The following ZNF839 variants were observed in gnomAD, a reference collection of about 807,000 sequenced individuals.
The protein encoded by ZNF839 is renal carcinoma antigen NY-REN-50.
ZNF839 carries 38 observed loss-of-function variants against 56.4 expected under a neutral mutation model. The observed-to-expected ratio is 0.67, with a 90% CI of 0.52 to 0.88. The LOEUF (loss-of-function observed/expected upper bound fraction) is 0.88, where lower values mean the gene tolerates loss of function less well. ZNF839 is among the 40% of genes least tolerant of loss of function. The probability of loss-of-function intolerance (pLI) is 0.00; values close to 1 mark genes in which losing one functional copy is unlikely to be tolerated. For missense variants in ZNF839, 1,091 were observed against 1,177.6 expected (o/e 0.93, Z 1.08); for synonymous variants, 486 against 493.5 (o/e 0.98, Z 0.20).
chr14:102,328,354 CAAA>C (rs1158691824), intron 2 of ZNF839, among the ~76,000 whole-genome samples: 52 of 28,836 alleles, frequency 1.8e-3, no homozygotes, highest in East Asian at 3.5e-3. Context: ...AACTCCATCT[CAAA>C]AAAAAAAAAA....
chr14:102,320,180 A>G, intron 1 of ZNF839, 127 bp downstream of exon 1: 1 of 1,043,528 alleles, frequency 9.6e-7, no homozygotes, highest in Non-Finnish European at 1.2e-6. Flanking sequence ...CCCCAGGCTG[A>G]GCTTCTTAGG....
chr14:102,330,560 A>G (rs1480586354), intron 2 of ZNF839, among the ~76,000 whole-genome samples: 1 of 122,712 alleles, frequency 8.1e-6, no homozygotes, highest in Non-Finnish European at 1.6e-5. Flanking sequence ...TTGGCGATAG[A>G]GTCTCACTGT....
At position 102,319,948 on chromosome 14, in the gene ZNF839, G is replaced by T; in HGVS notation, c.183G>T (p.Val61=). The T allele has an allele frequency of 8.6e-7, 1 of 1,168,242 alleles. No homozygotes were observed. The highest frequency in any genetic ancestry group is 3.5e-5 in the South Asian group (1 of 28,510). 72.4% of individuals were successfully genotyped at this position (1,168,242 alleles called of 1,614,324 possible). A position where few individuals can be genotyped will look rare whatever the true frequency, so the allele number is the denominator to read the frequency against. The part of the protein sequence containing the change: ...AQPPPPPPPF[V]LRDAARRLRD... ...CGCCGCCGCCGCCGCCCCCCTTCGT[G>T]CTGCGGGACGCGGCGCGGCGGCTGC... Residue 61 remains valine, a synonymous_variant, in exon 1 of 8, where the codon GTG becomes GTT. Coordinates refer to ENST00000442396, the MANE Select transcript of ZNF839 (RefSeq NM_018335.6). The surrounding 1 kb of genome is among the most constrained non-coding windows in gnomAD (Gnocchi z 4.5).
chr14:102,341,393 T>C lies in ZNF839; in HGVS notation c.1998T>C (p.Gly666=). Residue 666 remains glycine, a synonymous_variant, in exon 8 of 8, where the codon GGT becomes GGC. Transcript: ENST00000442396. Reference sequence around the variant, plus strand: ...AAAGCCATACAACGACGGTTTCTGGTGGCAATGGGAGCGTGTTCCAGGCGG... The same window carrying C: ...AAAGCCATACAACGACGGTTTCTGGCGGCAATGGGAGCGTGTTCCAGGCGG... ...SEESHTTTVS[G]GNGSVFQAGP... is the part of the protein sequence containing the mutation. The C allele has an allele frequency of 6.4e-7, 1 of 1,556,312 alleles. No homozygotes were observed. The highest frequency in any genetic ancestry group is 8.7e-7 in the Non-Finnish European group (1 of 1,153,380).
chr14:102,318,347 A>G (rs2072958658), upstream of ZNF839, among the ~76,000 whole-genome samples: 1 of 152,182 alleles, frequency 6.6e-6, no homozygotes, highest in Non-Finnish European at 1.5e-5. Context: ...AATTCCTGAA[A>G]TCTGGTCGGG....
Position 102,341,623 on chromosome 14 carries a change from G to T in ZNF839, c.2228G>T (p.Ser743Ile), listed in dbSNP as rs1332311494. Residue 743 changes from serine (S) to isoleucine (I), a missense_variant, in exon 8 of 8, where the codon AGC becomes ATC. By Grantham distance (142) the Ser-to-Ile change is moderately radical (BLOSUM62 -2). This residue lies in a region of ZNF839 where 431 missense variants were observed against 468.0 expected (regional missense o/e 0.92). Coordinates refer to ENST00000442396, the MANE Select transcript of ZNF839 (RefSeq NM_018335.6). Reference protein sequence around the residue: ...SDQDTWDSLRSPGFCSPLSSG... With the variant: ...SDQDTWDSLRIPGFCSPLSSG... ...CAGGACACCTGGGACAGCCTGAGGAGCCCGGGTTTCTGCAGCCCTTTGTCA... is the reference window on the plus strand; with the variant it reads ...CAGGACACCTGGGACAGCCTGAGGATCCCGGGTTTCTGCAGCCCTTTGTCA... The T allele has an allele frequency of 6.2e-7, 1 of 1,613,968 alleles. No individual in the cohort carries two copies. The highest frequency in any genetic ancestry group is 1.1e-5 in the South Asian group (1 of 91,090).
chr14:102,319,073 G>A (rs923168988), upstream of ZNF839, among the ~76,000 whole-genome samples: 1 of 152,216 alleles, frequency 6.6e-6, no homozygotes, highest in Non-Finnish European at 1.5e-5. This position sits in a 1 kb window ranked among gnomAD's most constrained non-coding sequence, Gnocchi z 4.5. Flanking sequence ...GAGGAAGATG[G>A]GGCAGTGGAG....
chr14:102,321,233 T>C (rs781609443), intron 1 of ZNF839, among the ~76,000 whole-genome samples: 3 of 152,258 alleles, frequency 2.0e-5, no homozygotes, highest in Non-Finnish European at 4.4e-5. Context: ...AAGCCTCTGC[T>C]CTGCGCCCGG....
rs954011615 is a variant in ZNF839, at chr14:102,338,539, G to GAA, written c.1660-252_1660-251dup. On this transcript the variant is annotated intron_variant, in intron 5 of 7. Transcript: ENST00000442396. ...AGCGACAGAGCCAGACTCTGTCTCAGAAAAAAAAAAAAAAAAAAAAAAAAA... is the reference window on the plus strand; with the variant it reads ...AGCGACAGAGCCAGACTCTGTCTCAGAAAAAAAAAAAAAAAAAAAAAAAAAAA... Among the ~76,000 whole-genome samples, 65 of 32,066 alleles carry GAA rather than the reference G, an allele frequency of 2.0e-3. 4 individuals carry two copies. Among genetic ancestry groups the GAA allele is most frequent in the African/African-American group, 3.7e-3 (35 of 9,338 alleles). 21.0% of individuals were successfully genotyped at this position (32,066 alleles called of 152,430 possible). A position where few individuals can be genotyped will look rare whatever the true frequency, so the allele number is the denominator to read the frequency against.
At chr14:102,319,710 T>A, upstream of ZNF839, 8 of 1,222,028 alleles carry the variant, frequency 6.5e-6, no homozygotes, top group Non-Finnish European at 8.2e-6. This position sits in a 1 kb window ranked among gnomAD's most constrained non-coding sequence, Gnocchi z 4.5. Flanking sequence ...CTAGGTGACG[T>A]ACATTGGAGA....
chr14:102,324,822 T>G (rs1213751453), intron 1 of ZNF839, among the ~76,000 whole-genome samples: 1 of 151,582 alleles, frequency 6.6e-6, no homozygotes, highest in Non-Finnish European at 1.5e-5. Flanking sequence ...TGGTGGTACG[T>G]GCCTGTAATC....
At chr14:102,327,298 G>A (rs1284961173) in intron 2 of ZNF839, among the ~76,000 whole-genome samples, 1 of 151,974 alleles carries the variant, frequency 6.6e-6, no homozygotes, top group Non-Finnish European at 1.5e-5. Context: ...CCACCACCAC[G>A]CCTGGCTAAT....
intron 1 of ZNF839, among the ~76,000 whole-genome samples, chr14:102,323,699 A>G (rs538166784): frequency 9.4e-4 from 143 of 152,294 alleles, no homozygotes; most frequent in African/African-American, 3.3e-3. Flanking sequence ...TGTTAGATAT[A>G]TTTGTAAAAA....
chr14:102,338,742 C>A, intron 5 of ZNF839, 74 bp from the exon 6 acceptor site: 5 of 1,583,414 alleles, frequency 3.2e-6, no homozygotes, highest in Non-Finnish European at 2.6e-6. Flanking sequence ...TCGTTTAATT[C>A]TTGCATGTGA....
intron 3 of ZNF839, among the ~76,000 whole-genome samples, chr14:102,333,407 G>T (rs2139547998): frequency 6.6e-6 from 1 of 151,760 alleles, no homozygotes; most frequent in African/African-American, 2.4e-5. Flanking sequence ...CACAGCACAG[G>T]CGCACACCCC....
At chr14:102,334,449 T>G (rs1181546559) in intron 3 of ZNF839, 105 bp from the exon 4 acceptor site, 3 of 764,324 alleles carry the variant, frequency 3.9e-6, no homozygotes, top group Non-Finnish European at 6.7e-6. Context: ...TCACTGAAAT[T>G]TTTGGAGAAC....
chr14:102,336,733 C>CTT lies in ZNF839; in HGVS notation c.1659+907_1659+908dup, dbSNP rs369596864. ...TTAAAACCTCAGGTATCATTTTCTT[C>CTT]TTTTTTTTTTTTTGTTTTGAAACAG... On this transcript the variant is annotated intron_variant, in intron 5 of 7. Transcript: ENST00000442396. 1,606 of 290,550 alleles carry CTT rather than the reference C, an allele frequency of 5.5e-3. 15 individuals carry two copies. Among genetic ancestry groups the CTT allele is most frequent in the African/African-American group, 0.03 (1,275 of 42,112 alleles). 18.0% of individuals were successfully genotyped at this position (290,550 alleles called of 1,614,324 possible).
chr14:102,322,606 T>C (rs1280983230), intron 1 of ZNF839, among the ~76,000 whole-genome samples: 2 of 152,186 alleles, frequency 1.3e-5, no homozygotes, highest in South Asian at 4.1e-4. Context: ...ACAGGGTCTT[T>C]CTTTCTCACC....
At chr14:102,321,069 G>A (rs2073103488) in intron 1 of ZNF839, among the ~76,000 whole-genome samples, 1 of 152,222 alleles carries the variant, frequency 6.6e-6, no homozygotes, top group Non-Finnish European at 1.5e-5. Context: ...CAAGACTGGA[G>A]AGTTGTCTTG....
Sources: allele counts gnomAD v4.1 joint callset (sites outside exome capture counted in the v4.1 genomes callset), GRCh38; gene constraint gnomAD v4.1.1; regional missense constraint gnomAD v4.1.1; non-coding constraint Gnocchi (gnomAD v3.1); transcripts MANE v1.5; gene names NCBI Gene and HGNC (gene_info 2026-07-23, HGNC 2026-07-21).